R3HDM1: variants seen among roughly 807,000 people sequenced by gnomAD.
R3HDM1 encodes R3H domain-containing protein 1.
Under a neutral mutation model 141.1 loss-of-function variants are expected in R3HDM1, and 46 were observed. The observed-to-expected ratio is 0.33, with a 90% CI of 0.26 to 0.42. The LOEUF is 0.42. Ranked by LOEUF, R3HDM1 falls within the 10% of genes least tolerant of loss-of-function variation. The pLI is 1.00. For synonymous variants in R3HDM1, 435 were observed against 472.9 expected (o/e 0.92, Z 1.04); for missense variants, 1,184 against 1,368.3 (o/e 0.87, Z 2.12).
chr2:135,541,225 G>C (rs1387316573), intron 1 of R3HDM1, among the ~76,000 whole-genome samples: 1 of 151,826 alleles, frequency 6.6e-6, no homozygotes, highest in Non-Finnish European at 1.5e-5. Context: ...TTTGGAGACA[G>C]AGTCTTGCTC....
intron 1 of R3HDM1, among the ~76,000 whole-genome samples, chr2:135,554,342 C>T (rs1573727442): frequency 6.6e-6 from 1 of 152,210 alleles, no homozygotes. Flanking sequence ...TAGCATGAAT[C>T]AGTACTTCAT....
intron 24 of R3HDM1, among the ~76,000 whole-genome samples, chr2:135,718,270 G>A (rs181985697): frequency 6.6e-6 from 1 of 152,016 alleles, no homozygotes; most frequent in Non-Finnish European, 1.5e-5. Flanking sequence ...ATGGTTACAC[G>A]GACTTTTACA....
rs766681618 is a variant in R3HDM1, at chr2:135,645,362, CT to C, written c.1475-12del. 1.3e-6 allele frequency: 2 copies of C among 1,568,574 alleles called. No homozygotes were observed. The highest frequency in any genetic ancestry group is 1.4e-5 in the African/African-American group (1 of 73,332). On this transcript the variant is annotated splice_polypyrimidine_tract_variant and intron_variant, in intron 15 of 26. Transcript: ENST00000683871. ...TGTATTCTAAGTTATTTTTTTCCCT[CT>C]TTTTGAATTTTTCAGGTCAGCCCTT...
intron 1 of R3HDM1, among the ~76,000 whole-genome samples, chr2:135,564,687 C>T (rs1702404492): frequency 6.6e-6 from 1 of 152,158 alleles, no homozygotes; most frequent in Non-Finnish European, 1.5e-5. Context: ...TCACATTTCC[C>T]ATATGTGTAG....
chr2:135,655,468 C>G (rs1365587937), intron 18 of R3HDM1, among the ~76,000 whole-genome samples: 2 of 151,690 alleles, frequency 1.3e-5, no homozygotes, highest in African/African-American at 4.9e-5. Flanking sequence ...CTACTCTGTT[C>G]TTTTTCTTTT....
intron 3 of R3HDM1, among the ~76,000 whole-genome samples, chr2:135,613,121 GC>G (rs1199159422): frequency 6.6e-6 from 1 of 152,174 alleles, no homozygotes; most frequent in Non-Finnish European, 1.5e-5. Context: ...CTCACAGTGG[GC>G]CCAACTGTGT....
At chr2:135,594,977 A>ACCCCCCCCCC (rs58907969) in intron 1 of R3HDM1, among the ~76,000 whole-genome samples, 1 of 139,308 alleles carries the variant, frequency 7.2e-6, no homozygotes. Context: ...GGGATTCTAC[A>ACCCCCCCCCC]CCCCCCCCCC....
At chr2:135,683,108 G>A (rs2070638822) in intron 21 of R3HDM1, among the ~76,000 whole-genome samples, 1 of 152,218 alleles carries the variant, frequency 6.6e-6, no homozygotes, top group South Asian at 2.1e-4. Flanking sequence ...TGGTCACCAT[G>A]TGACAAACTA....
intron 5 of R3HDM1, among the ~76,000 whole-genome samples, chr2:135,621,263 G>A (rs950704156): frequency 2.0e-5 from 3 of 151,958 alleles, no homozygotes; most frequent in African/African-American, 7.2e-5. Flanking sequence ...TAATGTTGAG[G>A]ATTTGTTTTA....
chr2:135,681,473 A>C (rs1235923632), intron 21 of R3HDM1, among the ~76,000 whole-genome samples: 1 of 152,232 alleles, frequency 6.6e-6, no homozygotes, highest in Non-Finnish European at 1.5e-5. Context: ...GCCAGCAATC[A>C]ATAATAGTCA....
chr2:135,667,067 C>A (rs1483676226), intron 19 of R3HDM1: 2 of 882,638 alleles, frequency 2.3e-6, no homozygotes, highest in Non-Finnish European at 2.7e-6. Context: ...TGTAATTTTT[C>A]TGATTATTTC....
chr2:135,626,205 G>GCTTGCTTGCTTGCTTGCTTGCT (rs2062014749), intron 7 of R3HDM1, among the ~76,000 whole-genome samples: 1 of 116,138 alleles, frequency 8.6e-6, no homozygotes, highest in African/African-American at 4.3e-5. Flanking sequence ...GCGTGCGTGC[G>GCTTGCTTGCTTGCTTGCTTGCT]TGCGTGCTTG....
At chr2:135,614,825 T>C (rs2060872346) in intron 3 of R3HDM1, among the ~76,000 whole-genome samples, 1 of 152,058 alleles carries the variant, frequency 6.6e-6, no homozygotes, top group Non-Finnish European at 1.5e-5. Flanking sequence ...CTTTTTTTTT[T>C]CCTGTAATCC....
At position 135,595,926 on chromosome 2, in the gene R3HDM1, C is replaced by T. The variant is rs575088126; in HGVS notation, c.-249-6574C>T. On this transcript the variant is annotated intron_variant, in intron 1 of 26. Coordinates refer to ENST00000683871, the MANE Select transcript of R3HDM1 (RefSeq NM_001378107.1). ...TATATTGTAGCTAAAATCATTCTCC[C>T]TGGCTTCTCTTAAAATGTGTTCCTC... Among the ~76,000 whole-genome samples the T allele has an allele frequency of 2.0e-5, 3 of 152,310 alleles. No homozygotes were observed. The South Asian group carries it at 6.2e-4, about 32-fold the overall frequency.
intron 21 of R3HDM1, among the ~76,000 whole-genome samples, chr2:135,689,317 C>A (rs1320921771): frequency 1.3e-5 from 2 of 152,250 alleles, no homozygotes; most frequent in East Asian, 3.9e-4. Flanking sequence ...AATCCAGTAT[C>A]CTGACATAAA....
At chr2:135,554,901 C>T (rs1005830573) in intron 1 of R3HDM1, among the ~76,000 whole-genome samples, 4 of 152,162 alleles carry the variant, frequency 2.6e-5, no homozygotes, top group African/African-American at 4.8e-5. Context: ...CAGAAGCCCT[C>T]GCAAACTACT....
chr2:135,689,147 G>C (rs1163156435), intron 21 of R3HDM1, among the ~76,000 whole-genome samples: 1 of 152,114 alleles, frequency 6.6e-6, no homozygotes, highest in East Asian at 1.9e-4. Context: ...TCTAGTGGGA[G>C]CCAAGAATTG....
intron 1 of R3HDM1, chr2:135,558,976 T>C: frequency 1.0e-6 from 1 of 974,666 alleles, no homozygotes; most frequent in Non-Finnish European, 1.2e-6. Flanking sequence ...CTTTTTAGCC[T>C]GTCTTAACTT....
At chr2:135,672,650 CAA>C (rs2068572483) in intron 19 of R3HDM1, among the ~76,000 whole-genome samples, 1 of 152,078 alleles carries the variant, frequency 6.6e-6, no homozygotes, top group African/African-American at 2.4e-5. Context: ...CTATTTGTAA[CAA>C]ATGACTAGAT....
Sources: allele counts gnomAD v4.1 joint callset (sites outside exome capture counted in the v4.1 genomes callset), GRCh38; gene constraint gnomAD v4.1.1; transcripts MANE v1.5; gene names NCBI Gene and HGNC (gene_info 2026-07-23, HGNC 2026-07-21).